KATNBL1: variants seen among roughly 807,000 people sequenced by gnomAD.
KATNBL1 encodes the protein katanin regulatory subunit B1 like 1.
Under a neutral mutation model 44.7 loss-of-function variants are expected in KATNBL1, and 28 were observed. The observed-to-expected ratio is 0.63, with a 90% CI of 0.46 to 0.86. KATNBL1 has a LOEUF of 0.86. KATNBL1 is among the 40% of genes least tolerant of loss of function. KATNBL1 has a pLI of 0.00. For synonymous variants in KATNBL1, 78 were observed against 114.9 expected, an observed-to-expected ratio of 0.68 and a Z score of 2.06; for missense variants, 272 against 350.7, an observed-to-expected ratio of 0.78 and a Z score of 1.79.
intron 1 of KATNBL1, among the ~76,000 whole-genome samples, chr15:34,166,850 G>T (rs1252673501): frequency 1.3e-5 from 2 of 152,172 alleles, no homozygotes; most frequent in Non-Finnish European, 1.5e-5. Context: ...TGCAGCTGAG[G>T]GGCCTGTCTA....
At chr15:34,143,020 A>C in intron 9 of KATNBL1, 1 of 1,249,252 alleles carries the variant, frequency 8.0e-7, no homozygotes, top group Non-Finnish European at 1.0e-6. Context: ...CTCTTCTTTC[A>C]ATTTCTATAC....
rs887118251 is a variant in KATNBL1, at chr15:34,186,657, C to A, written c.-14-22967G>T. On this transcript the variant is annotated intron_variant, in intron 1 of 9. Coordinates refer to ENST00000256544, the MANE Select transcript of KATNBL1 (RefSeq NM_024713.3). Reference sequence around the variant, plus strand: ...TCTCTGCAGTCTACACCCTTGGGCGCCCCAGGAAGGATCCCCCTCCCCACT... The same window carrying A: ...TCTCTGCAGTCTACACCCTTGGGCGACCCAGGAAGGATCCCCCTCCCCACT... 2.0e-5 allele frequency among the ~76,000 whole-genome samples: 3 copies of A among 152,198 alleles called. No homozygotes were observed. The East Asian group carries it at 5.8e-4, about 29-fold the overall frequency.
At chr15:34,147,508 G>A (rs1471161852) in intron 5 of KATNBL1, 78 bp from the exon 6 acceptor site, 11 of 1,090,548 alleles carry the variant, frequency 1.0e-5, no homozygotes, top group South Asian at 2.7e-5. Context: ...TATTCACACC[G>A]CTTTTGAGAA....
intron 1 of KATNBL1, among the ~76,000 whole-genome samples, chr15:34,199,208 G>A (rs954120643): frequency 2.0e-5 from 3 of 152,192 alleles, no homozygotes; most frequent in Admixed American, 6.5e-5. Flanking sequence ...GGAGGCTGAC[G>A]TGGGCGGATC....
intron 2 of KATNBL1, among the ~76,000 whole-genome samples, chr15:34,156,656 C>A (rs1046910907): frequency 1.3e-5 from 2 of 151,860 alleles, no homozygotes; most frequent in African/African-American, 2.4e-5. Context: ...AAGGTGTAGG[C>A]GGTGGGGGAG....
intron 3 of KATNBL1, among the ~76,000 whole-genome samples, chr15:34,154,115 T>A (rs1888564875): frequency 6.6e-6 from 1 of 152,234 alleles, no homozygotes; most frequent in Non-Finnish European, 1.5e-5. Context: ...CTCCATTCAA[T>A]CTACTGTGAT....
rs541465544 is a variant in KATNBL1 at position 34,203,190 on chromosome 15, C to T, written c.-15+6761G>A. Among the ~76,000 whole-genome samples, 125 of 152,202 alleles carry T rather than the reference C, an allele frequency of 8.2e-4. 1 individual carries two copies. The highest frequency in any genetic ancestry group is 2.9e-3 in the African/African-American group (121 of 41,538). The stretch of plus-strand genomic sequence containing the variant: ...TCCCAACAGTCCCTAACTCAGTAAA[C>T]GGAACCATCCTCCTTCCAATTTCTC... On this transcript the variant is annotated intron_variant, in intron 1 of 9. Transcript: ENST00000256544.
At chr15:34,169,643 G>T (rs6495580) in intron 1 of KATNBL1, among the ~76,000 whole-genome samples, 49,826 of 151,992 alleles carry the variant, frequency 0.33, 8,591 homozygotes, top group African/African-American at 0.45. Context: ...CAAAAAAAGA[G>T]AATTTTAGAC....
chr15:34,164,988 A>G (rs183020623), intron 1 of KATNBL1, among the ~76,000 whole-genome samples: 2 of 152,376 alleles, frequency 1.3e-5, no homozygotes. Flanking sequence ...AATTTTACAA[A>G]TAATTTCAGC....
intron 1 of KATNBL1, among the ~76,000 whole-genome samples, chr15:34,171,514 G>T (rs540221839): frequency 1.6e-4 from 25 of 152,310 alleles, no homozygotes; most frequent in African/African-American, 5.3e-4. Context: ...CAACCATTGT[G>T]GAAGACAGTG....
Position 34,145,442 on chromosome 15 carries a change from T to G in KATNBL1, c.838A>C (p.Asn280His), listed in dbSNP as rs947365783. 1.4e-6 allele frequency: 2 copies of G among 1,470,766 alleles called. No homozygotes were observed. The highest frequency in any genetic ancestry group is 1.8e-6 in the Non-Finnish European group (2 of 1,116,770). 91.1% of individuals were successfully genotyped at this position (1,470,766 alleles called of 1,614,324 possible). ...TATCCTGGAACCAAAGTAAGATGGT[T>G]TTCCTGTTCCCATAATCCACTTAAT... is the stretch of plus-strand genomic sequence containing the variant. ...QQLSGLWEQE[N>H]HLTLVPGYTG... The change falls in exon 9 of 10, where the codon AAC (asparagine) becomes CAC (histidine). Residue 280 changes from asparagine (N) to histidine (H), a missense_variant. Asn to His is a moderately conservative substitution (Grantham distance 68). Coordinates refer to ENST00000256544, the MANE Select transcript of KATNBL1 (RefSeq NM_024713.3).
chr15:34,183,408 G>A (rs1889622433), intron 1 of KATNBL1, among the ~76,000 whole-genome samples: 1 of 152,008 alleles, frequency 6.6e-6, no homozygotes, highest in African/African-American at 2.4e-5. Flanking sequence ...TTACAATCTG[G>A]GTAAAAAATT....
chr15:34,181,595 C>T (rs763796438), intron 1 of KATNBL1, among the ~76,000 whole-genome samples: 469 of 40,436 alleles, frequency 0.012, 9 homozygotes, highest in Non-Finnish European at 0.02. Context: ...TATATATACA[C>T]ATATATATGT....
chr15:34,166,553 C>T (rs1474560088), intron 1 of KATNBL1, among the ~76,000 whole-genome samples: 3 of 152,232 alleles, frequency 2.0e-5, no homozygotes, highest in Admixed American at 6.5e-5. Flanking sequence ...CAGACTTAAA[C>T]TTCCCAGTCT....
In KATNBL1 at chr15:34,141,036, A is replaced by G. The variant is rs1888138182; in HGVS notation, c.*1303T>C. 1 of 152,200 alleles carries G rather than the reference A, an allele frequency of 6.6e-6. No homozygotes were observed. Among genetic ancestry groups the G allele is most frequent in the South Asian group, 2.1e-4 (1 of 4,836 alleles). The allele number at this position is 152,200 out of a possible 1,614,324, so 9.4% of individuals were successfully genotyped here. ...TGAAGGACTACTGCAGAGAAATTCA[A>G]TTACTAAAAACCTTTGCTCAGATGC... On this transcript the variant is annotated 3_prime_UTR_variant, in exon 10 of 10. Coordinates refer to ENST00000256544, the MANE Select transcript of KATNBL1 (RefSeq NM_024713.3).
chr15:34,190,806 A>C (rs1889850707), intron 1 of KATNBL1, among the ~76,000 whole-genome samples: 1 of 152,232 alleles, frequency 6.6e-6, no homozygotes, highest in Non-Finnish European at 1.5e-5. Flanking sequence ...ACCTGAACAT[A>C]ATCAAGCTTC....
intron 1 of KATNBL1, among the ~76,000 whole-genome samples, chr15:34,180,031 G>A (rs1172487026): frequency 6.6e-6 from 1 of 152,102 alleles, no homozygotes; most frequent in East Asian, 1.9e-4. Flanking sequence ...AATTTTCTCA[G>A]TTCTTGCTTT....
At chr15:34,168,964 T>A (rs1002255912) in intron 1 of KATNBL1, among the ~76,000 whole-genome samples, 2 of 152,180 alleles carry the variant, frequency 1.3e-5, no homozygotes, top group Non-Finnish European at 2.9e-5. Context: ...TTTATGGCAT[T>A]AAATGCCCCC....
At chr15:34,188,141 A>T (rs1889771224) in intron 1 of KATNBL1, among the ~76,000 whole-genome samples, 1 of 136,614 alleles carries the variant, frequency 7.3e-6, no homozygotes, top group Admixed American at 7.9e-5. Flanking sequence ...GCCATGTAAA[A>T]AAAAAAAAAA....
Sources: allele counts gnomAD v4.1 joint callset (sites outside exome capture counted in the v4.1 genomes callset), GRCh38; gene constraint gnomAD v4.1.1; transcripts MANE v1.5; gene names NCBI Gene and HGNC (gene_info 2026-07-23, HGNC 2026-07-21).